CCDC13: variants seen among roughly 807,000 people sequenced by gnomAD.
CCDC13 encodes the protein coiled-coil domain containing 13, also known as coiled-coil domain-containing protein 13.
In CCDC13, 70 loss-of-function variants were observed where a neutral mutation model predicts 87.3. The ratio of observed to expected loss-of-function variants is 0.80; its 90% confidence interval spans 0.66 to 0.98. The LOEUF (loss-of-function observed/expected upper bound fraction) is 0.98. CCDC13 is among the 50% of genes least tolerant of loss of function. The pLI is 0.00. For missense variants in CCDC13, 842 were observed against 892.0 expected (o/e 0.94, Z 0.71); for synonymous variants, 317 against 360.3 (o/e 0.88, Z 1.36).
intron 3 of CCDC13, among the ~76,000 whole-genome samples, chr3:42,754,712 C>A (rs1429549301): frequency 6.6e-6 from 1 of 152,108 alleles, no homozygotes; most frequent in African/African-American, 2.4e-5. Flanking sequence ...ACGTTTCCTC[C>A]CAGGACTCAA....
At chr3:42,755,494 C>T (rs968776756) in intron 3 of CCDC13, among the ~76,000 whole-genome samples, 1 of 152,190 alleles carries the variant, frequency 6.6e-6, no homozygotes, top group Non-Finnish European at 1.5e-5. Flanking sequence ...GTAATCCCAG[C>T]TACTCAGGAG....
intron 15 of CCDC13, 63 bp from the exon 16 acceptor site, chr3:42,709,202 G>C: frequency 6.6e-7 from 1 of 1,512,054 alleles, no homozygotes; most frequent in Non-Finnish European, 8.9e-7. Context: ...GTGGGTGACA[G>C]AGGGCCCTGG....
At chr3:42,743,515 T>C (rs1290946520) in intron 7 of CCDC13, among the ~76,000 whole-genome samples, 1 of 146,460 alleles carries the variant, frequency 6.8e-6, no homozygotes, top group Non-Finnish European at 1.5e-5. Flanking sequence ...CCTCCCGGGC[T>C]CAAGCAATCC....
chr3:42,759,319 A>C (rs577399106), intron 1 of CCDC13, among the ~76,000 whole-genome samples: 3 of 152,276 alleles, frequency 2.0e-5, no homozygotes, highest in Middle Eastern at 3.4e-3. Context: ...AAAAAAAAAA[A>C]AACACAAATT....
chr3:42,713,180 C>T lies in CCDC13; in HGVS notation c.1855G>A (p.Ala619Thr). 1 of 1,614,096 alleles carries T rather than the reference C, an allele frequency of 6.2e-7. No individual in the cohort carries two copies. Among genetic ancestry groups the T allele is most frequent in the Non-Finnish European group, 8.5e-7 (1 of 1,179,968 alleles). Residue 619 changes from alanine (A) to threonine (T), a missense_variant, in exon 14 of 16, where the codon GCT becomes ACT. By Grantham distance (58) the Ala-to-Thr change is moderately conservative. Coordinates refer to ENST00000310232, the MANE Select transcript of CCDC13 (RefSeq NM_144719.4). ...CCCCTACCTGTTTTGGTCCTGGGAGCTGCTCTCTGGGAGGCTGATGCCTTC... is the reference window on the plus strand; with the variant it reads ...CCCCTACCTGTTTTGGTCCTGGGAGTTGCTCTCTGGGAGGCTGATGCCTTC... ...PGKASASQRA[A>T]PRTKTGLPTS...
chr3:42,743,600 T>TATATACATAC, intron 7 of CCDC13, among the ~76,000 whole-genome samples: 10 of 125,786 alleles, frequency 8.0e-5, no homozygotes, highest in Non-Finnish European at 1.3e-4. Flanking sequence ...TATATATATA[T>TATATACATAC]ACACACACAC....
intron 10 of CCDC13, 81 bp downstream of exon 10, chr3:42,735,626 G>A: frequency 2.8e-6 from 4 of 1,443,968 alleles, no homozygotes; most frequent in Non-Finnish European, 3.8e-6. Flanking sequence ...CTGAGCTAAG[G>A]CAAGTGGAAA....
At chr3:42,737,746 C>T (rs1699077648) in intron 9 of CCDC13, among the ~76,000 whole-genome samples, 1 of 152,210 alleles carries the variant, frequency 6.6e-6, no homozygotes, top group African/African-American at 2.4e-5. Flanking sequence ...CCTTCGCCCA[C>T]TTTTTGATGG....
intron 9 of CCDC13, among the ~76,000 whole-genome samples, chr3:42,737,400 A>G (rs377058895): frequency 2.6e-5 from 4 of 152,336 alleles, no homozygotes; most frequent in East Asian, 3.9e-4. Flanking sequence ...TTATAGTAGC[A>G]TGATTTATAA....
rs993045246 is a variant in CCDC13 at position 42,709,945 on chromosome 3, G to C, written c.1874-147C>G. Reference sequence around the variant, plus strand: ...GGGGTGCAGGGCAACTCTGAGCTCTGCCTCCCTCCGAAGCCCTCCCTGATG... The same window carrying C: ...GGGGTGCAGGGCAACTCTGAGCTCTCCCTCCCTCCGAAGCCCTCCCTGATG... On this transcript the variant is annotated intron_variant, in intron 14 of 15. Coordinates refer to ENST00000310232, the MANE Select transcript of CCDC13 (RefSeq NM_144719.4). 4.7e-6 allele frequency: 3 copies of C among 637,980 alleles called. No homozygotes were observed. In the Admixed American group the frequency reaches 7.1e-5, roughly 15 times the overall value. The allele number at this position is 637,980 out of a possible 1,614,324, so 39.5% of individuals were successfully genotyped here. A position where few individuals can be genotyped will look rare whatever the true frequency, so the allele number is the denominator to read the frequency against.
chr3:42,747,184 A>G (rs776988899), intron 6 of CCDC13, 73 bp downstream of exon 6: 1 of 1,115,330 alleles, frequency 9.0e-7, no homozygotes, highest in Non-Finnish European at 1.4e-6. Flanking sequence ...AAAGGAATCC[A>G]CTGTGCCAGC....
intron 10 of CCDC13, among the ~76,000 whole-genome samples, chr3:42,734,785 CT>C (rs745536048): frequency 2.0e-5 from 3 of 152,190 alleles, no homozygotes; most frequent in African/African-American, 4.8e-5. Flanking sequence ...TCAAGAAATT[CT>C]CCCCAAGGAC....
At chr3:42,749,108 C>A (rs1439869653) in intron 5 of CCDC13, among the ~76,000 whole-genome samples, 1 of 152,114 alleles carries the variant, frequency 6.6e-6, no homozygotes, top group Admixed American at 6.5e-5. Context: ...TCCTGTCTGG[C>A]CGCCTGCCAT....
At chr3:42,747,409 A>G in intron 5 of CCDC13, 36 bp from the exon 6 acceptor site, 1 of 1,397,832 alleles carries the variant, frequency 7.2e-7, no homozygotes, top group Non-Finnish European at 1.0e-6. Context: ...GTAGTCATTT[A>G]TTGCCTACAT....
intron 2 of CCDC13, 152 bp from the exon 3 acceptor site, chr3:42,757,366 C>T: frequency 1.4e-6 from 1 of 717,134 alleles, no homozygotes; most frequent in South Asian, 2.2e-5. Context: ...CATTAGCTGG[C>T]TTAAATAGGG....
At chr3:42,732,651 C>T (rs534259848) in intron 12 of CCDC13, 7 of 538,604 alleles carry the variant, frequency 1.3e-5, no homozygotes, top group Admixed American at 3.5e-5. Context: ...TTAATTCTCA[C>T]GTAGCAGGTA....
downstream of CCDC13, among the ~76,000 whole-genome samples, chr3:42,705,643 C>G (rs964472094): frequency 1.3e-5 from 2 of 152,186 alleles, no homozygotes; most frequent in African/African-American, 4.8e-5. Context: ...TGGCCAGGGC[C>G]CTTGGTGTCT....
chr3:42,751,868 T>C (rs1245787496), intron 5 of CCDC13, 68 bp downstream of exon 5: 6 of 1,419,884 alleles, frequency 4.2e-6, no homozygotes, highest in African/African-American at 2.8e-5. Context: ...CCTACACACC[T>C]GTGGAGGAGG....
intron 14 of CCDC13, among the ~76,000 whole-genome samples, chr3:42,711,570 T>A (rs893532160): frequency 1.3e-5 from 2 of 152,208 alleles, no homozygotes; most frequent in African/African-American, 4.8e-5. Flanking sequence ...TCCCTGTTCC[T>A]CCAAGCATCC....
Sources: gnomAD v4.1 joint callset for allele counts (sites outside exome capture counted in the v4.1 genomes callset) on GRCh38, gnomAD v4.1.1 for gene constraint, MANE v1.5 for transcripts, NCBI Gene and HGNC (gene_info 2026-07-23, HGNC 2026-07-21) for gene names.